The following GPC5 variants were observed in gnomAD, a reference collection of about 807,000 sequenced individuals.
The protein encoded by GPC5 is glypican 5, also known as glypican-5.
A neutral mutation model predicts 53.9 loss-of-function variants in GPC5; 47 were observed. The observed-to-expected ratio is 0.87, with a 90% CI of 0.69 to 1.11. The LOEUF (loss-of-function observed/expected upper bound fraction) is 1.11, where lower values mean the gene tolerates loss of function less well. Ranked by LOEUF, GPC5 falls within the 50% of genes most tolerant of loss-of-function variation. The pLI, the probability that GPC5 is intolerant of heterozygous loss-of-function variation, is 0.00. For synonymous variants in GPC5, 286 were observed against 263.3 expected (o/e 1.09, Z -0.84); for missense variants, 748 against 713.1 (o/e 1.05, Z -0.56).
At chr13:92,750,004 C>A (rs2139323366) in intron 7 of GPC5, among the ~76,000 whole-genome samples, 1 of 152,274 alleles carries the variant, frequency 6.6e-6, no homozygotes, top group South Asian at 2.1e-4. Flanking sequence ...TGATAACTGC[C>A]ACCAGTAATG....
intron 3 of GPC5, among the ~76,000 whole-genome samples, chr13:91,696,253 ACT>A (rs2035876860): frequency 1.3e-5 from 2 of 151,530 alleles, no homozygotes; most frequent in South Asian, 2.1e-4. Context: ...ATCATGTAAA[ACT>A]CTCTGCTGTA....
At chr13:91,834,860 CA>C (rs1368331519) in intron 5 of GPC5, among the ~76,000 whole-genome samples, 1 of 152,036 alleles carries the variant, frequency 6.6e-6, no homozygotes, top group Non-Finnish European at 1.5e-5. Context: ...ACTAAAACAC[CA>C]AAAGCAATGG....
At chr13:91,556,853 A>C (rs1178736530) in intron 2 of GPC5, among the ~76,000 whole-genome samples, 1 of 151,904 alleles carries the variant, frequency 6.6e-6, no homozygotes, top group African/African-American at 2.4e-5. Context: ...ATAAAAAACC[A>C]AAAATTGGGT....
At chr13:92,595,767 CA>C (rs35255458) in intron 7 of GPC5, among the ~76,000 whole-genome samples, 56 of 93,432 alleles carry the variant, frequency 6.0e-4, no homozygotes, top group Admixed American at 1.5e-3. Flanking sequence ...GACTCTGTCT[CA>C]AAAAAAAAAA....
intron 7 of GPC5, among the ~76,000 whole-genome samples, chr13:92,439,253 G>T (rs1243598972): frequency 6.6e-6 from 1 of 152,136 alleles, no homozygotes; most frequent in Non-Finnish European, 1.5e-5. Flanking sequence ...TGCAAGAAAA[G>T]AAATAGCAAT....
chr13:92,209,077 C>T (rs901025586), intron 7 of GPC5, among the ~76,000 whole-genome samples: 2 of 152,134 alleles, frequency 1.3e-5, no homozygotes, highest in Non-Finnish European at 1.5e-5. Context: ...AGCAGAGAAA[C>T]TACAAATCTA....
intron 5 of GPC5, among the ~76,000 whole-genome samples, chr13:91,835,372 A>G (rs983946245): frequency 8.5e-5 from 13 of 152,144 alleles, no homozygotes; most frequent in Admixed American, 6.6e-4. Flanking sequence ...TTAACTCAGC[A>G]ATCCAATTAC....
At chr13:92,612,240 A>C (rs1320386490) in intron 7 of GPC5, among the ~76,000 whole-genome samples, 1 of 152,106 alleles carries the variant, frequency 6.6e-6, no homozygotes, top group East Asian at 1.9e-4. Context: ...TATTTATTGA[A>C]AACTGTCATT....
chr13:92,035,766 AAC>A lies in GPC5; in HGVS notation c.1402-109062_1402-109061del, dbSNP rs1491065684. Among the ~76,000 whole-genome samples the A allele has an allele frequency of 7.5e-3, 1,125 of 149,850 alleles. 24 individuals carry two copies. Among genetic ancestry groups the A allele is most frequent in the African/African-American group, 0.025 (1,038 of 40,930 alleles). On this transcript the variant is annotated intron_variant, in intron 6 of 7. Transcript: ENST00000377067. ...TTCTGAGGAAATGTTAAAAAAAAAA[AAC>A]AAAAAAAACAATGTTCACCAAAGCT...
intron 7 of GPC5, among the ~76,000 whole-genome samples, chr13:92,810,086 C>T (rs1198885340): frequency 1.3e-5 from 2 of 151,952 alleles, no homozygotes; most frequent in African/African-American, 2.4e-5. Flanking sequence ...GTTAATAAAG[C>T]CCTCAAATAA....
chr13:91,903,569 T>A (rs2039521241), intron 5 of GPC5, among the ~76,000 whole-genome samples: 1 of 152,148 alleles, frequency 6.6e-6, no homozygotes, highest in South Asian at 2.1e-4. Flanking sequence ...TATCACTATT[T>A]CAATTGTGGT....
intron 7 of GPC5, among the ~76,000 whole-genome samples, chr13:92,393,141 A>C (rs1310548879): frequency 6.6e-6 from 1 of 152,228 alleles, no homozygotes; most frequent in African/African-American, 2.4e-5. Context: ...AAAGATATGG[A>C]ATCAATCTAA....
chr13:92,387,484 G>A (rs1318458219), intron 7 of GPC5, among the ~76,000 whole-genome samples: 1 of 152,130 alleles, frequency 6.6e-6, no homozygotes, highest in Non-Finnish European at 1.5e-5. Flanking sequence ...AGGCAGAAGA[G>A]TGCATACCAG....
intron 5 of GPC5, among the ~76,000 whole-genome samples, chr13:91,820,625 A>T (rs2138831012): frequency 1.3e-5 from 2 of 152,312 alleles, no homozygotes; most frequent in South Asian, 4.1e-4. Flanking sequence ...ATCAGTAGAA[A>T]CTTATTATAA....
At chr13:92,097,477 A>C (rs1323356742) in intron 6 of GPC5, among the ~76,000 whole-genome samples, 1 of 152,254 alleles carries the variant, frequency 6.6e-6, no homozygotes, top group Non-Finnish European at 1.5e-5. Context: ...CCAGAGGAAG[A>C]TCAAAATGTC....
chr13:92,119,564 C>A (rs891274959), intron 6 of GPC5, among the ~76,000 whole-genome samples: 5 of 93,066 alleles, frequency 5.4e-5, no homozygotes, highest in African/African-American at 2.0e-4. Flanking sequence ...CCTCGCCTGG[C>A]TAATTTTTTT....
At chr13:92,361,760 A>G (rs1350816724) in intron 7 of GPC5, among the ~76,000 whole-genome samples, 3 of 151,682 alleles carry the variant, frequency 2.0e-5, no homozygotes, top group Non-Finnish European at 4.4e-5. Flanking sequence ...GAAGCCAAAT[A>G]TCTGGCTCAA....
chr13:92,541,110 T>C (rs1881918072), intron 7 of GPC5, among the ~76,000 whole-genome samples: 1 of 151,868 alleles, frequency 6.6e-6, no homozygotes, highest in South Asian at 2.1e-4. Flanking sequence ...TATGGCATAG[T>C]ATAGAGAAAT....
chr13:92,588,954 C>T (rs1883630260), intron 7 of GPC5, among the ~76,000 whole-genome samples: 1 of 152,082 alleles, frequency 6.6e-6, no homozygotes, highest in Admixed American at 6.6e-5. Flanking sequence ...CTCTCACTAA[C>T]ATTGGGAGAA....
Sources: gnomAD v4.1 joint callset for allele counts (sites outside exome capture counted in the v4.1 genomes callset) on GRCh38, gnomAD v4.1.1 for gene constraint, MANE v1.5 for transcripts, NCBI Gene and HGNC (gene_info 2026-07-23, HGNC 2026-07-21) for gene names.